Variants in ANXA6 observed in about 807,000 individuals in gnomAD.
ANXA6 encodes the protein 67 kDa calelectrin.
A neutral mutation model predicts 95.4 loss-of-function variants in ANXA6; 71 were observed. That is an observed-to-expected ratio of 0.74 (90% CI 0.61 to 0.91). The LOEUF (loss-of-function observed/expected upper bound fraction) is 0.91. Ranked by LOEUF, ANXA6 falls within the 40% of genes least tolerant of loss-of-function variation. ANXA6 has a pLI of 0.00. For missense variants in ANXA6, 830 were observed against 876.4 expected (o/e 0.95, Z 0.67); for synonymous variants, 289 against 315.9 (o/e 0.91, Z 0.90).
rs1056807562 is a variant in ANXA6, at chr5:151,101,289, G to A, written c.*159C>T. ...GGCCCTCGATGGCCCGTGGGAGTGG[G>A]AGCGTTTCCTAAGCTCCACTGAAGA... On this transcript the variant is annotated 3_prime_UTR_variant, in exon 26 of 26. Transcript: ENST00000354546. 5.7e-6 allele frequency: 4 copies of A among 697,744 alleles called. No individual in the cohort carries two copies. Among genetic ancestry groups the A allele is most frequent in the Non-Finnish European group, 7.6e-6 (3 of 394,220 alleles). The allele number at this position is 697,744 out of a possible 1,614,324, so 43.2% of individuals were successfully genotyped here.
At chr5:151,143,645 G>A (rs1765894924) in intron 2 of ANXA6, among the ~76,000 whole-genome samples, 1 of 152,156 alleles carries the variant, frequency 6.6e-6, no homozygotes, top group Non-Finnish European at 1.5e-5. Flanking sequence ...GCTAAGGGCA[G>A]CATGGGACCC....
Position 151,122,906 on chromosome 5 carries a change from G to A in ANXA6, c.1233+11C>T, listed in dbSNP as rs1230112307. ...GCATGTTGCACAGAGAGCCCAGGAG[G>A]AGGTCCTTACCCGGCCAAAGTGAGA... On this transcript the variant is annotated intron_variant, in intron 16 of 25. Coordinates refer to ENST00000354546, the MANE Select transcript of ANXA6 (RefSeq NM_001155.5). The A allele has an allele frequency of 6.2e-7, 1 of 1,612,804 alleles. No homozygotes were observed. Among genetic ancestry groups the A allele is most frequent in the Admixed American group, 1.7e-5 (1 of 60,024 alleles).
intron 9 of ANXA6, among the ~76,000 whole-genome samples, 152 bp from the exon 10 acceptor site, chr5:151,132,723 C>A (rs909456578): frequency 1.3e-5 from 2 of 151,904 alleles, no homozygotes; most frequent in African/African-American, 2.4e-5. Flanking sequence ...TGGGAGGTCA[C>A]GCACATCACC....
chr5:151,111,065 C>G (rs1421607912), intron 20 of ANXA6, among the ~76,000 whole-genome samples: 1 of 152,128 alleles, frequency 6.6e-6, no homozygotes, highest in African/African-American at 2.4e-5. Context: ...TCTCTGCACC[C>G]TTTAGCATAT....
chr5:151,153,952 T>C (rs375055889), intron 1 of ANXA6, among the ~76,000 whole-genome samples: 1 of 152,140 alleles, frequency 6.6e-6, no homozygotes, highest in African/African-American at 2.4e-5. Context: ...CCCCCTCCCA[T>C]AGGGCGTGGC....
intron 17 of ANXA6, 27 bp downstream of exon 17, chr5:151,122,120 A>G: frequency 6.8e-7 from 1 of 1,481,210 alleles, no homozygotes; most frequent in African/African-American, 1.4e-5. Context: ...ACCCGCAGAC[A>G]CTAGACCCCC....
intron 1 of ANXA6, among the ~76,000 whole-genome samples, chr5:151,152,153 G>C (rs1435439779): frequency 6.6e-6 from 1 of 152,220 alleles, no homozygotes; most frequent in Admixed American, 6.5e-5. Flanking sequence ...TTGCCCAGCA[G>C]TTTGTGATGT....
Position 151,103,420 on chromosome 5 carries a change from A to G in ANXA6, c.1962+150T>C, listed in dbSNP as rs1764603388. Reference sequence around the variant, plus strand: ...TTTGGAATTGATTTCGGTATAAACAATGCAATACAGACCCCCTTTCATTTC... The same window carrying G: ...TTTGGAATTGATTTCGGTATAAACAGTGCAATACAGACCCCCTTTCATTTC... On this transcript the variant is annotated intron_variant, in intron 25 of 25. Transcript: ENST00000354546. The G allele has an allele frequency of 1.1e-5, 7 of 621,056 alleles. No homozygotes were observed. In the East Asian group the frequency reaches 1.9e-4, roughly 17 times the overall value. The allele number at this position is 621,056 out of a possible 1,614,324, so 38.5% of individuals were successfully genotyped here. A position where few individuals can be genotyped will look rare whatever the true frequency, so the allele number is the denominator to read the frequency against.
Position 151,137,239 on chromosome 5 carries a change from T to C in ANXA6, c.401A>G (p.Tyr134Cys). 6.2e-7 allele frequency: 1 copy of C among 1,613,568 alleles called. No individual in the cohort carries two copies. The highest frequency in any genetic ancestry group is 8.5e-7 in the Non-Finnish European group (1 of 1,179,664). The change falls in exon 6 of 26, where the codon TAC becomes TGC. Residue 134 changes from tyrosine (Y) to cysteine (C), a missense_variant. Tyr to Cys is a radical substitution (Grantham distance 194). Transcript: ENST00000354546. ...NEQMHQLVAA[Y>C]KDAYERDLEA... ...CCTCCTGCCCATCTCACCATCTTTG[T>C]ATGCTGCCACCAGCTGGTGCATCTG...
At chr5:151,156,899 C>G (rs1346399821) in intron 1 of ANXA6, among the ~76,000 whole-genome samples, 1 of 152,152 alleles carries the variant, frequency 6.6e-6, no homozygotes, top group East Asian at 1.9e-4. Context: ...AATCCAGGCT[C>G]AGAGAGGGAA....
intron 20 of ANXA6, among the ~76,000 whole-genome samples, chr5:151,113,931 G>A (rs1302369687): frequency 6.6e-6 from 1 of 152,202 alleles, no homozygotes; most frequent in African/African-American, 2.4e-5. Flanking sequence ...AATGAAAAGG[G>A]AGTACCAACA....
chr5:151,139,796 C>G (rs1204918896), intron 3 of ANXA6, among the ~76,000 whole-genome samples: 1 of 152,166 alleles, frequency 6.6e-6, no homozygotes, highest in South Asian at 2.1e-4. Flanking sequence ...AGGGTTCTTT[C>G]CACCACAAGA....
chr5:151,119,149 A>G, intron 18 of ANXA6, 151 bp downstream of exon 18: 1 of 630,730 alleles, frequency 1.6e-6, no homozygotes, highest in Non-Finnish European at 2.8e-6. Context: ...CCCCAGACAC[A>G]GGGATGGGCA....
At chr5:151,107,519 C>T (rs1016733174) in intron 23 of ANXA6, among the ~76,000 whole-genome samples, 1 of 152,206 alleles carries the variant, frequency 6.6e-6, no homozygotes, top group Non-Finnish European at 1.5e-5. Context: ...TCTACTTCAC[C>T]CAAATCTAAC....
At chr5:151,154,333 T>C (rs945592309) in intron 1 of ANXA6, among the ~76,000 whole-genome samples, 1 of 132,782 alleles carries the variant, frequency 7.5e-6, no homozygotes, top group Non-Finnish European at 1.6e-5. Flanking sequence ...ATATATATAT[T>C]GATCCCATAC....
rs548327836 is a variant in ANXA6 at position 151,142,727 on chromosome 5, G to A, written c.19-2484C>T. On this transcript the variant is annotated intron_variant, in intron 2 of 25. Coordinates refer to ENST00000354546, the MANE Select transcript of ANXA6 (RefSeq NM_001155.5). ...ATGAATGGATGGAGACACCCATGAC[G>A]GCCCAAGCTCTGAGATGGAGGACGC... is the stretch of plus-strand genomic sequence containing the variant. 2.0e-5 allele frequency among the ~76,000 whole-genome samples: 3 copies of A among 152,310 alleles called. No homozygotes were observed. The East Asian group carries it at 5.8e-4, about 29-fold the overall frequency.
At chr5:151,108,279 G>A (rs904122448) in intron 23 of ANXA6, among the ~76,000 whole-genome samples, 176 bp downstream of exon 23, 1 of 152,034 alleles carries the variant, frequency 6.6e-6, no homozygotes, top group Non-Finnish European at 1.5e-5. Context: ...CTGCAGCCTC[G>A]CACAGACCTC....
Position 151,137,216 on chromosome 5 carries a change from T to C in ANXA6, c.409+15A>G, listed in dbSNP as rs745757063. The stretch of plus-strand genomic sequence containing the variant: ...GTATCTGAAGATCCTAAGCGGCCCC[T>C]CCTGCCCATCTCACCATCTTTGTAT... On this transcript the variant is annotated intron_variant, in intron 6 of 25. Coordinates refer to ENST00000354546, the MANE Select transcript of ANXA6 (RefSeq NM_001155.5). The C allele has an allele frequency of 1.1e-5, 18 of 1,611,780 alleles. No homozygotes were observed. The African/African-American group carries it at 2.1e-4, about 19-fold the overall frequency.
rs186807845 is a variant in ANXA6, at chr5:151,126,997, G to A, written c.978-517C>T. Among the ~76,000 whole-genome samples the A allele has an allele frequency of 1.6e-3, 243 of 152,334 alleles. 1 individual carries two copies. Among genetic ancestry groups the A allele is most frequent in the African/African-American group, 5.6e-3 (234 of 41,584 alleles). ...CTCCCAAAGTGCTGGGATTACAGGC[G>A]CTGAGCCACTGTGTCCGGCCAATGC... On this transcript the variant is annotated intron_variant, in intron 13 of 25. Transcript: ENST00000354546.
Sources: allele counts gnomAD v4.1 joint callset (sites outside exome capture counted in the v4.1 genomes callset), GRCh38; gene constraint gnomAD v4.1.1; transcripts MANE v1.5; gene names NCBI Gene and HGNC (gene_info 2026-07-23, HGNC 2026-07-21).